Variants in EIF3H observed in about 807,000 individuals in gnomAD.
EIF3H encodes the protein eIF-3-gamma.
In EIF3H, 26 loss-of-function variants were observed where a neutral mutation model predicts 44.2. The observed-to-expected ratio is 0.59, with a 90% confidence interval of 0.43 to 0.82. The LOEUF (loss-of-function observed/expected upper bound fraction) is 0.82. Among genes scored for constraint, EIF3H ranks in the 40% least tolerant of loss-of-function variants. The pLI, the probability that EIF3H is intolerant of heterozygous loss-of-function variation, is 0.00. For synonymous variants in EIF3H, 166 were observed against 151.9 expected, an observed-to-expected ratio of 1.09 and a Z score of -0.68; for missense variants, 359 against 432.8, an observed-to-expected ratio of 0.83 and a Z score of 1.51.
chr8:116,722,748 T>A (rs1462066316), intron 2 of EIF3H, among the ~76,000 whole-genome samples: 1 of 152,040 alleles, frequency 6.6e-6, no homozygotes, highest in Non-Finnish European at 1.5e-5. Flanking sequence ...TAAATGATCA[T>A]TTTTTTTAAA....
chr8:116,643,623 A>T lies in EIF3H; in HGVS notation c.*1383T>A, dbSNP rs1008480535. 2.0e-5 allele frequency: 3 copies of T among 152,124 alleles called. No homozygotes were observed. The highest frequency in any genetic ancestry group is 4.4e-5 in the Non-Finnish European group (3 of 68,022). The allele number at this position is 152,124 out of a possible 1,614,324, so 9.4% of individuals were successfully genotyped here. A position where few individuals can be genotyped will look rare whatever the true frequency, so the allele number is the denominator to read the frequency against. Reference sequence around the variant, plus strand: ...GGTAACAGACCTGCTCTCATTTCTTATCTTATCTGGTTGACAAAAAGTGAG... The same window carrying T: ...GGTAACAGACCTGCTCTCATTTCTTTTCTTATCTGGTTGACAAAAAGTGAG... On this transcript the variant is annotated 3_prime_UTR_variant, in exon 8 of 8. Transcript: ENST00000521861.
At chr8:116,651,780 G>C (rs1445711124) in intron 5 of EIF3H, among the ~76,000 whole-genome samples, 1 of 152,168 alleles carries the variant, frequency 6.6e-6, no homozygotes, top group Non-Finnish European at 1.5e-5. Context: ...TTAGAATTGG[G>C]CAAGACTGAG....
intron 2 of EIF3H, among the ~76,000 whole-genome samples, chr8:116,715,691 G>A (rs1808084033): frequency 6.6e-6 from 1 of 152,064 alleles, no homozygotes; most frequent in African/African-American, 2.4e-5. Flanking sequence ...GTGAGTTATT[G>A]AATCTGTGTT....
intron 6 of EIF3H, 137 bp downstream of exon 6, chr8:116,648,669 T>C (rs775773996): frequency 3.2e-4 from 346 of 1,068,220 alleles, no homozygotes; most frequent in Non-Finnish European, 4.1e-4. Context: ...ATAAAAATAA[T>C]AATCTTTTAA....
chr8:116,720,498 T>C (rs2130916244), intron 2 of EIF3H, among the ~76,000 whole-genome samples: 1 of 152,280 alleles, frequency 6.6e-6, no homozygotes, highest in East Asian at 1.9e-4. Context: ...CTCAGGTATG[T>C]CTTTATCAGT....
intron 1 of EIF3H, among the ~76,000 whole-genome samples, chr8:116,746,341 CAT>C (rs890168318): frequency 1.1e-4 from 17 of 152,186 alleles, no homozygotes; most frequent in African/African-American, 4.1e-4. Context: ...AATCAAATCA[CAT>C]AAACTATTTG....
Position 116,712,176 on chromosome 8 carries a change from C to T in EIF3H, c.289+13840G>A, listed in dbSNP as rs200665577. 1.3e-3 allele frequency among the ~76,000 whole-genome samples: 203 copies of T among 152,268 alleles called. 1 individual carries two copies. Among genetic ancestry groups the T allele is most frequent in the Middle Eastern group, 0.01 (3 of 294 alleles). ...CAGCATGCCACAAGTCTAGGGAGCCCCATCGAGGGCTCTGCTGCCAAACTC... is the reference window on the plus strand; with the variant it reads ...CAGCATGCCACAAGTCTAGGGAGCCTCATCGAGGGCTCTGCTGCCAAACTC... On this transcript the variant is annotated intron_variant, in intron 2 of 7. Coordinates refer to ENST00000521861, the MANE Select transcript of EIF3H (RefSeq NM_003756.3).
At chr8:116,667,912 T>A (rs192937571) in intron 2 of EIF3H, among the ~76,000 whole-genome samples, 3 of 152,348 alleles carry the variant, frequency 2.0e-5, no homozygotes, top group Admixed American at 1.3e-4. Flanking sequence ...AAACACATGA[T>A]GATGGCAATT....
intron 2 of EIF3H, among the ~76,000 whole-genome samples, chr8:116,683,344 G>C (rs1039176926): frequency 4.6e-5 from 7 of 152,160 alleles, no homozygotes; most frequent in African/African-American, 1.7e-4. Flanking sequence ...TATACTCCTT[G>C]TAAGAGACCC....
chr8:116,672,491 T>C (rs1586445183), intron 2 of EIF3H, among the ~76,000 whole-genome samples: 1 of 152,102 alleles, frequency 6.6e-6, no homozygotes, highest in South Asian at 2.1e-4. Context: ...ATGGTGGCTG[T>C]AGTCCTAGCT....
At chr8:116,685,075 T>C (rs1418453010) in intron 2 of EIF3H, among the ~76,000 whole-genome samples, 1 of 152,228 alleles carries the variant, frequency 6.6e-6, no homozygotes, top group Non-Finnish European at 1.5e-5. Flanking sequence ...GTAGCACAAC[T>C]TATTTGATAT....
At chr8:116,703,725 C>A (rs1338396715) in intron 2 of EIF3H, among the ~76,000 whole-genome samples, 1 of 152,180 alleles carries the variant, frequency 6.6e-6, no homozygotes, top group African/African-American at 2.4e-5. Flanking sequence ...TACCCTGCCC[C>A]CTTGTCTTGT....
At chr8:116,663,930 CAAAA>C (rs779193805) in intron 2 of EIF3H, among the ~76,000 whole-genome samples, 45 of 76,212 alleles carry the variant, frequency 5.9e-4, no homozygotes, top group African/African-American at 1.9e-3. Context: ...GACTCAGTCT[CAAAA>C]AAAAAAAAAA....
Position 116,755,327 on chromosome 8 carries a change from G to A in EIF3H, c.132+339C>T, listed in dbSNP as rs958029457. Among the ~76,000 whole-genome samples, 10 of 152,120 alleles carry A rather than the reference G, an allele frequency of 6.6e-5. 1 individual carries two copies. The highest frequency in any genetic ancestry group is 2.4e-4 in the African/African-American group (10 of 41,432). ...TCTCTCCTTCCCAGAGCCCTACTAGGTCCCTAAATCCTTCTCGACACCTTC... is the reference window on the plus strand; with the variant it reads ...TCTCTCCTTCCCAGAGCCCTACTAGATCCCTAAATCCTTCTCGACACCTTC... On this transcript the variant is annotated intron_variant, in intron 1 of 7. Coordinates refer to ENST00000521861, the MANE Select transcript of EIF3H (RefSeq NM_003756.3).
chr8:116,716,160 CGTT>C (rs1305600879), intron 2 of EIF3H, among the ~76,000 whole-genome samples: 2 of 152,118 alleles, frequency 1.3e-5, no homozygotes, highest in African/African-American at 2.4e-5. Context: ...TTATCATTCT[CGTT>C]GTTTCTAGTA....
At chr8:116,757,243 T>G (rs1815464271), upstream of EIF3H, among the ~76,000 whole-genome samples, 1 of 112,556 alleles carries the variant, frequency 8.9e-6, no homozygotes, top group African/African-American at 2.7e-5. Context: ...TGGGCCCTCT[T>G]TATGAAATAC....
chr8:116,689,249 A>G, intron 2 of EIF3H: 1 of 289,160 alleles, frequency 3.5e-6, no homozygotes, highest in Non-Finnish European at 7.1e-6. Flanking sequence ...GACAGAATGT[A>G]GATTTGAGGA....
intron 1 of EIF3H, among the ~76,000 whole-genome samples, chr8:116,744,536 TAC>T (rs1204243593): frequency 6.6e-6 from 1 of 152,206 alleles, no homozygotes; most frequent in Non-Finnish European, 1.5e-5. Context: ...ATGAAACAAG[TAC>T]AGTTTGTCAT....
intron 1 of EIF3H, among the ~76,000 whole-genome samples, chr8:116,753,662 CCTGAAGTGATCCAGTCCAT>C: frequency 6.6e-6 from 1 of 152,246 alleles, no homozygotes; most frequent in South Asian, 2.1e-4. Flanking sequence ...CCTTGTGAAA[CCTGAAGTGATCCAGTCCAT>C]CTCCACCTGC....
Sources: gnomAD v4.1 joint callset for allele counts (sites outside exome capture counted in the v4.1 genomes callset) on GRCh38, gnomAD v4.1.1 for gene constraint, MANE v1.5 for transcripts, NCBI Gene and HGNC (gene_info 2026-07-23, HGNC 2026-07-21) for gene names.